Variants in S100PBP observed in about 807,000 individuals in gnomAD.
S100PBP encodes S100P-binding protein.
In S100PBP, 15 loss-of-function variants were observed where a neutral mutation model predicts 39.9. That is an observed-to-expected ratio of 0.38 (90% CI 0.25 to 0.58). The LOEUF is 0.58. Among genes scored for constraint, S100PBP ranks in the 20% least tolerant of loss-of-function variants. The probability of loss-of-function intolerance (pLI) is 0.70; values close to 1 mark genes in which losing one functional copy is unlikely to be tolerated. For missense variants in S100PBP, 504 were observed against 487.3 expected (o/e 1.03, Z -0.32); for synonymous variants, 178 against 180.3 (o/e 0.99, Z 0.10).
intron 5 of S100PBP, among the ~76,000 whole-genome samples, chr1:32,845,390 C>T (rs112933552): frequency 5.3e-5 from 8 of 151,928 alleles, no homozygotes; most frequent in African/African-American, 1.9e-4. Flanking sequence ...GAACCAATGT[C>T]GTGTCACGGC....
chr1:32,841,806 G>A (rs1051761201), intron 5 of S100PBP, among the ~76,000 whole-genome samples: 1 of 150,598 alleles, frequency 6.6e-6, no homozygotes, highest in African/African-American at 2.4e-5. Context: ...TAAAAGAAAA[G>A]GCCACAAAAA....
intron 5 of S100PBP, among the ~76,000 whole-genome samples, chr1:32,844,377 G>A (rs915614254): frequency 3.3e-5 from 5 of 152,146 alleles, no homozygotes; most frequent in Non-Finnish European, 7.4e-5. Context: ...AAAAACATTT[G>A]GAACTGGGCA....
At position 32,824,824 on chromosome 1, in the gene S100PBP, A is replaced by G. The variant is rs1169912993; in HGVS notation, c.-119-489A>G. On this transcript the variant is annotated intron_variant, in intron 1 of 6. Coordinates refer to ENST00000373475, the MANE Select transcript of S100PBP (RefSeq NM_022753.4). ...TTTTTTTTTTTTTTGCATTTTTTCTATACATATATATATATATATATAAAG... is the reference window on the plus strand; with the variant it reads ...TTTTTTTTTTTTTTGCATTTTTTCTGTACATATATATATATATATATAAAG... The G allele has an allele frequency of 2.7e-4, 5 of 18,642 alleles. No homozygotes were observed. In the South Asian group the frequency reaches 0.02, roughly 75 times the overall value. 1.2% of individuals were successfully genotyped at this position (18,642 alleles called of 1,614,324 possible). A position where few individuals can be genotyped will look rare whatever the true frequency, so the allele number is the denominator to read the frequency against.
chr1:32,850,017 T>C (rs180728727), intron 5 of S100PBP, among the ~76,000 whole-genome samples: 2 of 152,364 alleles, frequency 1.3e-5, no homozygotes, highest in East Asian at 1.9e-4. Flanking sequence ...TATAATGTTA[T>C]ATAAATTGCT....
At chr1:32,853,532 T>G (rs1640708474) in intron 6 of S100PBP, among the ~76,000 whole-genome samples, 2 of 144,888 alleles carry the variant, frequency 1.4e-5, no homozygotes, top group South Asian at 2.2e-4. Context: ...AGGAGGAATG[T>G]AGTGGGGAGT....
In S100PBP at chr1:32,853,066, C is replaced by A. The variant is rs762923137; in HGVS notation, c.1025-13C>A. 1 of 1,597,092 alleles carries A rather than the reference C, an allele frequency of 6.3e-7. No individual in the cohort carries two copies. Reference sequence around the variant, plus strand: ...CTCAGCTGTTCCTAACCACTGATCCCTCTGTATCACAGGTATCTCGGGGGA... The same window carrying A: ...CTCAGCTGTTCCTAACCACTGATCCATCTGTATCACAGGTATCTCGGGGGA... On this transcript the variant is annotated splice_polypyrimidine_tract_variant and intron_variant, in intron 5 of 6. Transcript: ENST00000373475.
At chr1:32,834,339 C>T (rs1330414945) in intron 5 of S100PBP, among the ~76,000 whole-genome samples, 1 of 152,154 alleles carries the variant, frequency 6.6e-6, no homozygotes, top group Non-Finnish European at 1.5e-5. Flanking sequence ...TCAAAGTTCA[C>T]ATTTAGTTAT....
chr1:32,834,029 T>C, intron 5 of S100PBP: 1 of 335,184 alleles, frequency 3.0e-6, no homozygotes, highest in South Asian at 2.7e-5. Flanking sequence ...TTCTTATTTC[T>C]ATAGGATGAA....
chr1:32,826,985 G>A, intron 3 of S100PBP, 55 bp downstream of exon 3: 1 of 1,246,284 alleles, frequency 8.0e-7, no homozygotes, highest in Non-Finnish European at 1.1e-6. Context: ...TTATTCAGAT[G>A]TATAGCAGAG....
In S100PBP at chr1:32,826,159, C is replaced by T. The variant is rs370290667; in HGVS notation, c.60C>T (p.Asp20=). The change falls in exon 3 of 7, where the codon GAC becomes GAT. Residue 20 remains aspartate, a synonymous_variant. Transcript: ENST00000373475. ...CTGGTACCTCTCTCTTGCCTAAAGACGGTGCCCCATTTTCTTGGGATTCCT... is the reference window on the plus strand; with the variant it reads ...CTGGTACCTCTCTCTTGCCTAAAGATGGTGCCCCATTTTCTTGGGATTCCT... The part of the protein sequence containing the change: ...QSSGTSLLPK[D]GAPFSWDSLD... 3.0e-5 allele frequency: 48 copies of T among 1,613,928 alleles called. No individual in the cohort carries two copies. The highest frequency in any genetic ancestry group is 2.5e-4 in the African/African-American group (19 of 74,888).
chr1:32,831,187 T>C (rs960305888), intron 5 of S100PBP, among the ~76,000 whole-genome samples: 3 of 152,012 alleles, frequency 2.0e-5, no homozygotes, highest in African/African-American at 7.2e-5. Flanking sequence ...GAAATGGAAA[T>C]GTAAAGAGGA....
chr1:32,842,236 T>TATATATATACACACACACAC (rs372174677), intron 5 of S100PBP, among the ~76,000 whole-genome samples: 2 of 80,874 alleles, frequency 2.5e-5, no homozygotes, highest in Non-Finnish European at 4.6e-5. Flanking sequence ...TATATATATA[T>TATATATATACACACACACAC]ACACACACAC....
chr1:32,854,171 A>G (rs1178605988), intron 6 of S100PBP, among the ~76,000 whole-genome samples: 1 of 152,150 alleles, frequency 6.6e-6, no homozygotes. Flanking sequence ...AGCAAATCCC[A>G]TAGGTTCTGC....
Position 32,825,481 on chromosome 1 carries a change from C to G in S100PBP, c.-3+52C>G, listed in dbSNP as rs1639281618. 2.0e-5 allele frequency: 3 copies of G among 152,248 alleles called. No homozygotes were observed. In the South Asian group the frequency reaches 6.2e-4, roughly 32 times the overall value. The allele number at this position is 152,248 out of a possible 1,614,324, so 9.4% of individuals were successfully genotyped here. A position where few individuals can be genotyped will look rare whatever the true frequency, so the allele number is the denominator to read the frequency against. ...TGTGTTCTCGAATTTTGTTTTATTT[C>G]AAAAGTAATACATTTTTGTTTTGTG... On this transcript the variant is annotated intron_variant, in intron 2 of 6. Transcript: ENST00000373475.
intron 5 of S100PBP, among the ~76,000 whole-genome samples, chr1:32,845,683 CTTT>C (rs201215253): frequency 7.1e-6 from 1 of 140,752 alleles, no homozygotes; most frequent in Admixed American, 7.2e-5. Flanking sequence ...TTTTCATTTT[CTTT>C]TTTTTTTTTT....
chr1:32,832,020 T>C (rs376302409), intron 5 of S100PBP, among the ~76,000 whole-genome samples: 3 of 152,164 alleles, frequency 2.0e-5, no homozygotes, highest in Non-Finnish European at 2.9e-5. Flanking sequence ...AGAATAACTA[T>C]AGTGAATAGG....
intron 5 of S100PBP, chr1:32,835,122 G>A (rs1639760714): frequency 1.3e-5 from 2 of 152,022 alleles, no homozygotes; most frequent in African/African-American, 4.8e-5. Context: ...CCTGGGCAAC[G>A]AGCAAAATTC....
At chr1:32,817,145 G>T, upstream of S100PBP, 4 of 1,611,396 alleles carry the variant, frequency 2.5e-6, no homozygotes, top group Non-Finnish European at 3.4e-6. Context: ...TGAACCTCGG[G>T]CTCCTAATCC....
chr1:32,821,885 C>T (rs560398350), intron 1 of S100PBP, among the ~76,000 whole-genome samples: 1 of 152,252 alleles, frequency 6.6e-6, no homozygotes, highest in South Asian at 2.1e-4. Context: ...GTGATCCGCC[C>T]AACTTAGCCT....
Sources: gnomAD v4.1 joint callset for allele counts (sites outside exome capture counted in the v4.1 genomes callset) on GRCh38, gnomAD v4.1.1 for gene constraint, MANE v1.5 for transcripts, NCBI Gene and HGNC (gene_info 2026-07-23, HGNC 2026-07-21) for gene names.